CELSR1: variants seen among roughly 807,000 people sequenced by gnomAD.
The protein encoded by CELSR1 is adhesion G protein-coupled receptor C1.
In CELSR1, 110 loss-of-function variants were observed where a neutral mutation model predicts 249.1. That is an observed-to-expected ratio of 0.44 (90% CI 0.38 to 0.52). CELSR1 has a LOEUF of 0.52. Among genes scored for constraint, CELSR1 ranks in the 20% least tolerant of loss-of-function variants. The pLI, the probability that CELSR1 is intolerant of heterozygous loss-of-function variation, is 0.00. For synonymous variants in CELSR1, 2,113 were observed against 1,900.0 expected (o/e 1.11, Z -2.92); for missense variants, 4,109 against 4,296.4 (o/e 0.96, Z 1.22).
At position 46,430,851 on chromosome 22, in the gene CELSR1, C is replaced by T. The variant is rs1235157056; in HGVS notation, c.4611+2542G>A. On this transcript the variant is annotated intron_variant, in intron 5 of 34. Transcript: ENST00000674500. The surrounding 1 kb of genome is among the most constrained non-coding windows in gnomAD (Gnocchi z 4.6). ...GCACCTGGGTTTGTCAGAGCTGCCA[C>T]TCGGAGACTAAGTCACGGAGCAGCA... Among the ~76,000 whole-genome samples, 1 of 152,174 alleles carries T rather than the reference C, an allele frequency of 6.6e-6. No homozygotes were observed. Among genetic ancestry groups the T allele is most frequent in the Non-Finnish European group, 1.5e-5 (1 of 68,034 alleles).
chr22:46,369,766 G>A lies in CELSR1; in HGVS notation c.7798C>T (p.Pro2600Ser). ...TGAAGCGACAGCCAGCAGAAGTCGGGGTTCCCGTAGCCCTGGGGGTCCAGG... is the reference window on the plus strand; with the variant it reads ...TGAAGCGACAGCCAGCAGAAGTCGGAGTTCCCGTAGCCCTGGGGGTCCAGG... ...VGLDPQGYGN[P>S]DFCWLSLQDT... The change falls in exon 26 of 35, where the codon CCC becomes TCC. Residue 2600 changes from proline to serine, a missense_variant. Pro to Ser is a moderately conservative substitution (Grantham distance 74). Around this residue, in one of 7 missense-constraint regions of CELSR1, gnomAD observed 1,805 missense variants for 1,831.6 expected, o/e 0.99. Transcript: ENST00000674500. 6.2e-7 allele frequency: 1 copy of A among 1,613,316 alleles called. No homozygotes were observed. The highest frequency in any genetic ancestry group is 8.5e-7 in the Non-Finnish European group (1 of 1,179,982).
At position 46,374,710 on chromosome 22, in the gene CELSR1, A is replaced by G. The variant is rs1040032016; in HGVS notation, c.7585-1653T>C. ...GACTCCCCTCTCCCCCATTCACGCC[A>G]CTCAAAAGCACACTAGAGGGGTTTT... is the stretch of plus-strand genomic sequence containing the variant. On this transcript the variant is annotated intron_variant, in intron 24 of 34. Coordinates refer to ENST00000674500, the MANE Select transcript of CELSR1 (RefSeq NM_001378328.1). This position sits in a 1 kb window ranked among gnomAD's most constrained non-coding sequence, Gnocchi z 4.3. Among the ~76,000 whole-genome samples the G allele has an allele frequency of 2.6e-5, 4 of 152,068 alleles. No individual in the cohort carries two copies. Among genetic ancestry groups the G allele is most frequent in the Non-Finnish European group, 4.4e-5 (3 of 67,986 alleles).
At chr22:46,426,197 A>G (rs2079536613) in intron 5 of CELSR1, among the ~76,000 whole-genome samples, 1 of 117,466 alleles carries the variant, frequency 8.5e-6, no homozygotes. Context: ...GGTTGTTTAG[A>G]TAATGGAAGG....
intron 1 of CELSR1, among the ~76,000 whole-genome samples, chr22:46,501,451 C>T (rs147315454): frequency 6.5e-4 from 99 of 152,180 alleles, no homozygotes; most frequent in Middle Eastern, 6.8e-3. Flanking sequence ...GGTGATCCAC[C>T]CGCCTCGACC....
chr22:46,526,824 C>T lies in CELSR1; in HGVS notation c.3544+6803G>A, dbSNP rs1006285293. ...GTGTCCATAACCTGAGCTGGTCTCCCCAGTCTGGACCTGCACACACAATCA... is the reference window on the plus strand; with the variant it reads ...GTGTCCATAACCTGAGCTGGTCTCCTCAGTCTGGACCTGCACACACAATCA... On this transcript the variant is annotated intron_variant, in intron 1 of 34. Transcript: ENST00000674500. This position sits in a 1 kb window ranked among gnomAD's most constrained non-coding sequence, Gnocchi z 4.7. 1.3e-5 allele frequency among the ~76,000 whole-genome samples: 2 copies of T among 152,182 alleles called. No homozygotes were observed. The highest frequency in any genetic ancestry group is 1.3e-4 in the Admixed American group (2 of 15,282).
Position 46,468,813 on chromosome 22 carries a change from C to T in CELSR1, c.3545-4468G>A, listed in dbSNP as rs563932500. 1.2e-4 allele frequency among the ~76,000 whole-genome samples: 18 copies of T among 152,238 alleles called. No individual in the cohort carries two copies. The highest frequency in any genetic ancestry group is 2.2e-4 in the Non-Finnish European group (15 of 68,024). ...TTAATAGGCCAGTCTCAGTGGCTCA[C>T]GTCTGAAATCCCAGCACTTTGGGAG... On this transcript the variant is annotated intron_variant, in intron 1 of 34. Transcript: ENST00000674500. The surrounding 1 kb of genome is among the most constrained non-coding windows in gnomAD (Gnocchi z 4.5).
Position 46,408,854 on chromosome 22 carries a change from C to T in CELSR1, c.5226+142G>A. ...AGAAAGGGCTGATATTCCCCTTCCC[C>T]CTCTTCGGAGAACCCCAGGGGCGGG... On this transcript the variant is annotated intron_variant, in intron 9 of 34. Coordinates refer to ENST00000674500, the MANE Select transcript of CELSR1 (RefSeq NM_001378328.1). This position sits in a 1 kb window ranked among gnomAD's most constrained non-coding sequence, Gnocchi z 4.6. 1 of 653,076 alleles carries T rather than the reference C, an allele frequency of 1.5e-6. No individual in the cohort carries two copies. Among genetic ancestry groups the T allele is most frequent in the African/African-American group, 1.8e-5 (1 of 54,088 alleles). 40.5% of individuals were successfully genotyped at this position (653,076 alleles called of 1,614,324 possible).
In CELSR1 at chr22:46,391,772, G is replaced by A. The variant is rs1221829148; in HGVS notation, c.6009C>T (p.Cys2003=). The A allele has an allele frequency of 1.6e-5, 25 of 1,612,640 alleles. No individual in the cohort carries two copies. Among genetic ancestry groups the A allele is most frequent in the Admixed American group, 1.0e-4 (6 of 59,916 alleles). The change falls in exon 15 of 35, where the codon TGC becomes TGT. Residue 2003 remains cysteine (C), a synonymous_variant. Coordinates refer to ENST00000674500, the MANE Select transcript of CELSR1 (RefSeq NM_001378328.1). This position sits in a 1 kb window ranked among gnomAD's most constrained non-coding sequence, Gnocchi z 4.3. ...KLLAQDTCLP[C]DCFPHGSHSR... ...TGTGGGAGCCATGGGGGAAGCAGTC[G>A]CAGGGCAGACAGGTGTCCTGGGCTA...
intron 5 of CELSR1, among the ~76,000 whole-genome samples, chr22:46,420,194 A>G (rs1305303423): frequency 6.6e-6 from 1 of 151,240 alleles, no homozygotes; most frequent in African/African-American, 2.4e-5. Flanking sequence ...TCACATGTGC[A>G]CACCTACCCA....
In CELSR1 at chr22:46,396,528, AAG is replaced by A. The variant is rs2079149286; in HGVS notation, c.5843+75_5843+76del. On this transcript the variant is annotated intron_variant, in intron 13 of 34. Coordinates refer to ENST00000674500, the MANE Select transcript of CELSR1 (RefSeq NM_001378328.1). The surrounding 1 kb of genome is among the most constrained non-coding windows in gnomAD (Gnocchi z 6.4). ...CACATATCTTTGGGTCAAAATAAGA[AAG>A]AGAAGACACTGAGTCGAGGGAACAC... 1 of 1,370,510 alleles carries A rather than the reference AAG, an allele frequency of 7.3e-7. No individual in the cohort carries two copies. Among genetic ancestry groups the A allele is most frequent in the South Asian group, 2.1e-5 (1 of 48,750 alleles). The allele number at this position is 1,370,510 out of a possible 1,614,324, so 84.9% of individuals were successfully genotyped here.
At chr22:46,438,518 C>G (rs2147460507) in intron 3 of CELSR1, among the ~76,000 whole-genome samples, 1 of 152,332 alleles carries the variant, frequency 6.6e-6, no homozygotes, top group South Asian at 2.1e-4. Flanking sequence ...GATTTAGGGT[C>G]AGCTCTGATG....
At position 46,436,068 on chromosome 22, in the gene CELSR1, T is replaced by G. The variant is rs6008826; in HGVS notation, c.4522+106A>C. The G allele has an allele frequency of 0.095, 75,430 of 795,362 alleles. 4,357 individuals are homozygous for G. The highest frequency in any genetic ancestry group is 0.22 in the African/African-American group (12,690 of 58,412). 49.3% of individuals were successfully genotyped at this position (795,362 alleles called of 1,614,324 possible). ...GCTTCCTAGACCTACAAGTGAGGGATGAAAGGGTAAGCAGCTTGGAGGCGC... is the reference window on the plus strand; with the variant it reads ...GCTTCCTAGACCTACAAGTGAGGGAGGAAAGGGTAAGCAGCTTGGAGGCGC... On this transcript the variant is annotated intron_variant, in intron 4 of 34. Transcript: ENST00000674500. This position sits in a 1 kb window ranked among gnomAD's most constrained non-coding sequence, Gnocchi z 5.9.
chr22:46,364,843 G>A (rs2078749196), intron 32 of CELSR1, 107 bp from the exon 33 acceptor site: 2 of 1,105,846 alleles, frequency 1.8e-6, no homozygotes, highest in Non-Finnish European at 1.3e-6. Flanking sequence ...CAACCTGCAG[G>A]CCTGGTAGGG....
At chr22:46,438,615 G>C (rs568999011) in intron 3 of CELSR1, among the ~76,000 whole-genome samples, 1 of 152,220 alleles carries the variant, frequency 6.6e-6, no homozygotes, top group South Asian at 2.1e-4. Context: ...AAGCAGCAGC[G>C]TAACATTCCC....
intron 1 of CELSR1, among the ~76,000 whole-genome samples, chr22:46,520,770 A>T (rs112911913): frequency 0.025 from 3,851 of 152,114 alleles, 165 homozygotes; most frequent in African/African-American, 0.088. Context: ...TTTTAAATGC[A>T]CCCACAGTTT....
intron 1 of CELSR1, among the ~76,000 whole-genome samples, chr22:46,521,814 C>T (rs1211232950): frequency 1.3e-5 from 2 of 152,166 alleles, no homozygotes; most frequent in African/African-American, 2.4e-5. Flanking sequence ...GAGACTGTGT[C>T]TCAAAAGCAA....
rs1032443471 is a variant in CELSR1 at position 46,447,696 on chromosome 22, C to G, written c.4184-8285G>C. ...GGAGTGCAATGGTGCGATCTCGGCT[C>G]ACAACCTCCACCTCCCAGGTTCAAG... On this transcript the variant is annotated intron_variant, in intron 2 of 34. Transcript: ENST00000674500. This position sits in a 1 kb window ranked among gnomAD's most constrained non-coding sequence, Gnocchi z 4.7. Among the ~76,000 whole-genome samples the G allele has an allele frequency of 3.9e-5, 6 of 152,154 alleles. No individual in the cohort carries two copies. The highest frequency in any genetic ancestry group is 3.9e-4 in the Admixed American group (6 of 15,280).
Position 46,436,039 on chromosome 22 carries a change from G to GT in CELSR1, c.4522+134_4522+135insA. 1 of 655,220 alleles carries GT rather than the reference G, an allele frequency of 1.5e-6. No individual in the cohort carries two copies. Among genetic ancestry groups the GT allele is most frequent in the South Asian group, 1.9e-5 (1 of 52,132 alleles). The allele number at this position is 655,220 out of a possible 1,614,324, so 40.6% of individuals were successfully genotyped here. On this transcript the variant is annotated intron_variant, in intron 4 of 34. Coordinates refer to ENST00000674500, the MANE Select transcript of CELSR1 (RefSeq NM_001378328.1). This position sits in a 1 kb window ranked among gnomAD's most constrained non-coding sequence, Gnocchi z 5.9. The stretch of plus-strand genomic sequence containing the variant: ...TGTGTACTTTGGATTTCTTAAATAA[G>GT]ACAGCTTCCTAGACCTACAAGTGAG...
At position 46,537,053 on chromosome 22, in the gene CELSR1, G is replaced by A; in HGVS notation, c.118C>T (p.Arg40Cys). 1.9e-6 allele frequency: 2 copies of A among 1,078,666 alleles called. No homozygotes were observed. The highest frequency in any genetic ancestry group is 1.1e-6 in the Non-Finnish European group (1 of 891,778). 66.8% of individuals were successfully genotyped at this position (1,078,666 alleles called of 1,614,324 possible). ...AWEPRVPGGT[R>C]AFALRPGCTY... is the part of the protein sequence containing the mutation. ...CAGCCGGGCCGGAGGGCGAAGGCGC[G>A]GGTCCCGCCGGGTACGCGCGGCTCC... Residue 40 changes from arginine to cysteine, a missense_variant, in exon 1 of 35, where the codon CGC becomes TGC. This residue lies in a region of CELSR1 where 673 missense variants were observed against 636.8 expected (regional missense o/e 1.06). Transcript: ENST00000674500. The surrounding 1 kb of genome is among the most constrained non-coding windows in gnomAD (Gnocchi z 5.8).
Sources: allele counts gnomAD v4.1 joint callset (sites outside exome capture counted in the v4.1 genomes callset), GRCh38; gene constraint gnomAD v4.1.1; regional missense constraint gnomAD v4.1.1; non-coding constraint Gnocchi (gnomAD v3.1); transcripts MANE v1.5; gene names NCBI Gene and HGNC (gene_info 2026-07-23, HGNC 2026-07-21).